RBFOX1: variants seen among roughly 807,000 people sequenced by gnomAD.
RBFOX1 encodes RNA binding protein fox-1 homolog 1.
Under a neutral mutation model 57.7 loss-of-function variants are expected in RBFOX1, and 8 were observed. The observed-to-expected ratio is 0.14, with a 90% CI of 0.08 to 0.25. The LOEUF is 0.25. Ranked by LOEUF, RBFOX1 falls within the 10% of genes least tolerant of loss-of-function variation. RBFOX1 has a pLI of 1.00. For missense variants in RBFOX1, 611 were observed against 548.5 expected, an observed-to-expected ratio of 1.11 and a Z score of -1.14; for synonymous variants, 326 against 222.4, an observed-to-expected ratio of 1.47 and a Z score of -4.15.
chr16:7,023,668 C>G (rs958761714), intron 3 of RBFOX1, among the ~76,000 whole-genome samples: 2 of 151,290 alleles, frequency 1.3e-5, no homozygotes, highest in Non-Finnish European at 2.9e-5. Flanking sequence ...AACTCCTCTG[C>G]CTAGGTTATC....
chr16:6,127,328 T>A (rs1359722656), intron 1 of RBFOX1, among the ~76,000 whole-genome samples: 1 of 152,182 alleles, frequency 6.6e-6, no homozygotes, highest in Non-Finnish European at 1.5e-5. Flanking sequence ...TTCTCCTGTT[T>A]CACCTTATTC....
intron 4 of RBFOX1, among the ~76,000 whole-genome samples, chr16:7,428,535 T>TA (rs1333437213): frequency 1.2e-4 from 17 of 146,918 alleles, no homozygotes; most frequent in African/African-American, 4.0e-4. Flanking sequence ...TTATTATTAT[T>TA]ATTATTTGTA....
rs561131156 is a variant in RBFOX1 at position 6,154,326 on chromosome 16, A to G, written c.-127+134334A>G. Among the ~76,000 whole-genome samples, 5 of 152,366 alleles carry G rather than the reference A, an allele frequency of 3.3e-5. No individual in the cohort carries two copies. In the East Asian group the frequency reaches 7.7e-4, roughly 24 times the overall value. On this transcript the variant is annotated intron_variant, in intron 1 of 15. Transcript: ENST00000550418. ...ACTTTTGCACCAAGTTAGTATAAAGATAATGGTATAAGCAAGGTTATGAAT... is the reference window on the plus strand; with the variant it reads ...ACTTTTGCACCAAGTTAGTATAAAGGTAATGGTATAAGCAAGGTTATGAAT...
chr16:7,620,228 T>C (rs2059101971), intron 10 of RBFOX1, among the ~76,000 whole-genome samples: 1 of 152,242 alleles, frequency 6.6e-6, no homozygotes, highest in Non-Finnish European at 1.5e-5. Context: ...TGCCAAACAC[T>C]TTCATGCCAT....
intron 1 of RBFOX1, among the ~76,000 whole-genome samples, chr16:6,068,752 C>A (rs376406731): frequency 3.9e-5 from 6 of 152,174 alleles, no homozygotes; most frequent in African/African-American, 9.7e-5. Flanking sequence ...TACAGGTAGA[C>A]ATATAGCTTA....
At chr16:7,362,057 A>G (rs1195426443) in intron 4 of RBFOX1, among the ~76,000 whole-genome samples, 1 of 150,576 alleles carries the variant, frequency 6.6e-6, no homozygotes, top group African/African-American at 2.4e-5. Context: ...TGTTTTGTGT[A>G]TATGTTAGTA....
At chr16:6,972,122 C>T (rs999013402) in intron 3 of RBFOX1, among the ~76,000 whole-genome samples, 2 of 152,134 alleles carry the variant, frequency 1.3e-5, no homozygotes, top group Non-Finnish European at 2.9e-5. Flanking sequence ...AACATCTAAC[C>T]ATCTTAACCA....
intron 4 of RBFOX1, among the ~76,000 whole-genome samples, chr16:7,143,392 A>T (rs2074254018): frequency 6.6e-6 from 1 of 152,088 alleles, no homozygotes; most frequent in Admixed American, 6.6e-5. Flanking sequence ...GAAAATGTGA[A>T]ATGGTGTGGG....
intron 3 of RBFOX1, among the ~76,000 whole-genome samples, chr16:5,626,027 C>T (rs550605690): frequency 2.6e-5 from 4 of 152,330 alleles, no homozygotes; most frequent in African/African-American, 7.2e-5. Flanking sequence ...CAGGCATGTG[C>T]CACCACGCCT....
chr16:6,341,716 T>C (rs1019679373), intron 2 of RBFOX1, among the ~76,000 whole-genome samples: 1 of 152,190 alleles, frequency 6.6e-6, no homozygotes, highest in Non-Finnish European at 1.5e-5. Context: ...TCTTACATTA[T>C]GAATGTCCTA....
chr16:5,419,433 G>A (rs752717035), intron 1 of RBFOX1, among the ~76,000 whole-genome samples: 1 of 151,960 alleles, frequency 6.6e-6, no homozygotes, highest in Admixed American at 6.6e-5. Context: ...TTTTTTTCTG[G>A]CAATGCTGGC....
chr16:7,341,030 T>C (rs1014365786), intron 4 of RBFOX1, among the ~76,000 whole-genome samples: 5 of 152,190 alleles, frequency 3.3e-5, no homozygotes, highest in African/African-American at 9.7e-5. Context: ...CTTTTGATGG[T>C]GGAGCAGAGT....
At chr16:5,639,797 C>T (rs942525152) in intron 3 of RBFOX1, among the ~76,000 whole-genome samples, 2 of 152,148 alleles carry the variant, frequency 1.3e-5, no homozygotes, top group African/African-American at 4.8e-5. Flanking sequence ...TTCCAGTCCC[C>T]TGGGCTGGTG....
chr16:5,534,541 G>T (rs751159402), intron 2 of RBFOX1, among the ~76,000 whole-genome samples: 1 of 152,198 alleles, frequency 6.6e-6, no homozygotes, highest in Non-Finnish European at 1.5e-5. Context: ...TATCTGATGT[G>T]GAAGGGCTGA....
chr16:5,856,575 GTATATATATATATATA>G lies in RBFOX1; in HGVS notation c.319-10713_319-10698del, dbSNP rs375112636. On this transcript the variant is annotated intron_variant, in intron 3 of 19. Coordinates refer to the RBFOX1 transcript ENST00000641259. ...TGTGTGTGTGTGTATGTGTGTGTGT[GTATATATATATATATA>G]TATATATATATATAATCTTAGCCAG... Among the ~76,000 whole-genome samples the G allele has an allele frequency of 4.9e-4, 16 of 32,912 alleles. 1 individual carries two copies. Among genetic ancestry groups the G allele is most frequent in the South Asian group, 1.5e-3 (1 of 686 alleles). The allele number at this position is 32,912 out of a possible 152,430, so 21.6% of individuals were successfully genotyped here.
At chr16:6,726,419 A>G (rs750025452) in intron 3 of RBFOX1, among the ~76,000 whole-genome samples, 1 of 151,024 alleles carries the variant, frequency 6.6e-6, no homozygotes, top group South Asian at 2.1e-4. Context: ...TTAACTTTGC[A>G]AAGGAGATAA....
At chr16:5,619,600 A>T (rs1383068813) in intron 3 of RBFOX1, among the ~76,000 whole-genome samples, 2 of 152,016 alleles carry the variant, frequency 1.3e-5, no homozygotes, top group Non-Finnish European at 2.9e-5. Flanking sequence ...GCTGTGAGTG[A>T]CCCTTGGGCA....
rs189331105 is a variant in RBFOX1 at position 5,700,068 on chromosome 16, A to G, written c.318+101107A>G. Among the ~76,000 whole-genome samples, 628 of 152,248 alleles carry G rather than the reference A, an allele frequency of 4.1e-3. 6 individuals are homozygous for G. Among genetic ancestry groups the G allele is most frequent in the Non-Finnish European group, 3.0e-3 (202 of 68,018 alleles). Reference sequence around the variant, plus strand: ...AGGATGGTTTCGATCTCCTGACCTCATGATCTGCCCGCCTTGGCCTCCCAA... The same window carrying G: ...AGGATGGTTTCGATCTCCTGACCTCGTGATCTGCCCGCCTTGGCCTCCCAA... On this transcript the variant is annotated intron_variant, in intron 3 of 19. Transcript: ENST00000641259.
chr16:7,651,607 A>T (rs2065077056), intron 11 of RBFOX1, among the ~76,000 whole-genome samples: 1 of 152,228 alleles, frequency 6.6e-6, no homozygotes, highest in Non-Finnish European at 1.5e-5. Context: ...TCTACTCCTG[A>T]AGCTGATAGC....
Sources: allele counts gnomAD v4.1 joint callset (sites outside exome capture counted in the v4.1 genomes callset), GRCh38; gene constraint gnomAD v4.1.1; transcripts MANE v1.5; gene names NCBI Gene and HGNC (gene_info 2026-07-23, HGNC 2026-07-21).